The following RAD51 variants were observed in gnomAD, a reference collection of about 807,000 sequenced individuals.
The protein encoded by RAD51 is DNA repair protein RAD51 homolog 1.
RAD51 carries 14 observed loss-of-function variants against 41.5 expected under a neutral mutation model. The observed-to-expected ratio is 0.34, with a 90% CI of 0.22 to 0.53. The LOEUF (loss-of-function observed/expected upper bound fraction) is 0.53. Among genes scored for constraint, RAD51 ranks in the 20% least tolerant of loss-of-function variants. The probability of loss-of-function intolerance (pLI) is 0.95; values close to 1 mark genes in which losing one functional copy is unlikely to be tolerated. For missense variants in RAD51, 234 were observed against 422.0 expected (o/e 0.55, Z 3.90); for synonymous variants, 136 against 148.6 (o/e 0.92, Z 0.62).
At chr15:40,699,126 C>T (rs1894830987) in intron 2 of RAD51, among the ~76,000 whole-genome samples, 1 of 152,166 alleles carries the variant, frequency 6.6e-6, no homozygotes, top group Non-Finnish European at 1.5e-5. Context: ...ATGGTGGAAT[C>T]TCTGTGCTGT....
chr15:40,730,269 G>C (rs1347906124), intron 9 of RAD51, among the ~76,000 whole-genome samples: 1 of 152,116 alleles, frequency 6.6e-6, no homozygotes, highest in East Asian at 1.9e-4. Flanking sequence ...CAACACTTTG[G>C]GAGGCCAAGG....
rs1180753546 is a variant in RAD51 at position 40,698,835 on chromosome 15, C to T, written c.77C>T (p.Ser26Leu). The T allele has an allele frequency of 1.9e-6, 3 of 1,614,022 alleles. No individual in the cohort carries two copies. In the East Asian group the frequency reaches 6.7e-5, roughly 36 times the overall value. The change falls in exon 2 of 10, where the codon TCA becomes TTA. Residue 26 changes from serine (S) to leucine (L), a missense_variant. Physicochemically the swap from Ser to Leu is moderately radical, Grantham distance 145. This residue lies in a region of RAD51 where 100 missense variants were observed against 135.5 expected (regional missense o/e 0.74). Transcript: ENST00000267868. Reference protein sequence around the residue: ...EEESFGPQPISRLEQCGINAN... With the variant: ...EEESFGPQPILRLEQCGINAN... Reference sequence around the variant, plus strand: ...GAAAGCTTTGGCCCACAACCCATTTCACGGTTAGAGGTATGTGGTTAGTTG... The same window carrying T: ...GAAAGCTTTGGCCCACAACCCATTTTACGGTTAGAGGTATGTGGTTAGTTG...
chr15:40,727,132 T>A (rs11343913), intron 6 of RAD51, among the ~76,000 whole-genome samples: 26 of 151,448 alleles, frequency 1.7e-4, no homozygotes, highest in Middle Eastern at 3.2e-3. Context: ...AATTTTTTTT[T>A]AATTTTATAA....
chr15:40,728,829 G>C lies in RAD51; in HGVS notation c.644+5G>C. ...AGCCATGATGGTAGAATCTAGGTAT[G>C]TGTTCAGTATAAGACACCAAATATG... On this transcript the variant is annotated splice_donor_5th_base_variant and intron_variant, in intron 7 of 9. Coordinates refer to ENST00000267868, the MANE Select transcript of RAD51 (RefSeq NM_002875.5). The C allele has an allele frequency of 6.2e-7, 1 of 1,603,906 alleles. No homozygotes were observed. Among genetic ancestry groups the C allele is most frequent in the Non-Finnish European group, 8.5e-7 (1 of 1,170,714 alleles).
At chr15:40,725,659 A>G (rs1896542781) in intron 6 of RAD51, among the ~76,000 whole-genome samples, 2 of 152,202 alleles carry the variant, frequency 1.3e-5, no homozygotes, top group Admixed American at 1.3e-4. Flanking sequence ...ACTGAATCAG[A>G]AACAATCAGA....
intron 3 of RAD51, among the ~76,000 whole-genome samples, chr15:40,703,411 A>C (rs559712102): frequency 1.3e-5 from 2 of 152,376 alleles, no homozygotes; most frequent in African/African-American, 2.4e-5. Context: ...TTAAGTATAT[A>C]GAAAAGTTTA....
chr15:40,729,801 G>T, intron 8 of RAD51, 52 bp from the exon 9 acceptor site: 1 of 1,613,944 alleles, frequency 6.2e-7, no homozygotes, highest in East Asian at 2.2e-5. Context: ...CAGCATTAAG[G>T]CTTTTGGAGT....
rs1457521488 is a variant in RAD51, at chr15:40,698,842, A to G, written c.84A>G (p.Leu28=). The G allele has an allele frequency of 6.2e-7, 1 of 1,613,808 alleles. No individual in the cohort carries two copies. Among genetic ancestry groups the G allele is most frequent in the Non-Finnish European group, 8.5e-7 (1 of 1,179,770 alleles). The change falls in exon 2 of 10, where the codon TTA becomes TTG. Residue 28 remains leucine (L), a synonymous_variant. Transcript: ENST00000267868. The stretch of plus-strand genomic sequence containing the variant: ...TTGGCCCACAACCCATTTCACGGTT[A>G]GAGGTATGTGGTTAGTTGCTAATTT... The part of the protein sequence containing the change: ...ESFGPQPISR[L]EQCGINANDV...
intron 6 of RAD51, among the ~76,000 whole-genome samples, chr15:40,721,322 A>C (rs892490874): frequency 6.6e-6 from 1 of 152,184 alleles, no homozygotes; most frequent in African/African-American, 2.4e-5. Context: ...AAGGACCCAG[A>C]ATAGCCGAAA....
chr15:40,697,376 T>A (rs562816690), intron 1 of RAD51, among the ~76,000 whole-genome samples: 16 of 152,250 alleles, frequency 1.1e-4, no homozygotes, highest in Admixed American at 8.5e-4. Context: ...AGTGCTGGGA[T>A]TGCAGACGTG....
chr15:40,713,607 A>ATTTTT (rs761493133), intron 5 of RAD51, among the ~76,000 whole-genome samples: 1,543 of 127,500 alleles, frequency 0.012, 26 homozygotes, highest in South Asian at 0.034. Context: ...AAATGTTACA[A>ATTTTT]TTTTTTTTTT....
At chr15:40,729,675 G>A (rs778244043) in intron 8 of RAD51, 41 bp downstream of exon 8, 1 of 1,612,976 alleles carries the variant, frequency 6.2e-7, no homozygotes, top group South Asian at 1.1e-5. Context: ...TACTTTCAGT[G>A]GCTGTGAATT....
At chr15:40,699,641 C>T (rs1054010052) in intron 2 of RAD51, among the ~76,000 whole-genome samples, 1 of 152,202 alleles carries the variant, frequency 6.6e-6, no homozygotes, top group African/African-American at 2.4e-5. Flanking sequence ...GGAATTATAG[C>T]GGCCTGGACC....
At chr15:40,722,726 A>G (rs1896343075) in intron 6 of RAD51, among the ~76,000 whole-genome samples, 1 of 152,204 alleles carries the variant, frequency 6.6e-6, no homozygotes, top group Admixed American at 6.6e-5. Flanking sequence ...GTCCTAAATA[A>G]GAGCCTAACT....
intron 9 of RAD51, 79 bp from the exon 10 acceptor site, chr15:40,730,976 T>G (rs1896850363): frequency 1.9e-6 from 3 of 1,588,316 alleles, no homozygotes; most frequent in Admixed American, 1.7e-5. Context: ...TCTAAAAAAT[T>G]TTCAGCTCTG....
chr15:40,718,212 G>A (rs1367965116), intron 5 of RAD51, among the ~76,000 whole-genome samples: 2 of 138,376 alleles, frequency 1.4e-5, no homozygotes, highest in Admixed American at 7.3e-5. Flanking sequence ...GGCGGAGTGA[G>A]ACCCTGTCTC....
At chr15:40,709,169 G>A in intron 5 of RAD51, 53 bp downstream of exon 5, 3 of 1,467,706 alleles carry the variant, frequency 2.0e-6, no homozygotes, top group Non-Finnish European at 2.9e-6. Context: ...CTTCATTCCT[G>A]CTATTTGCAA....
chr15:40,700,968 C>A (rs1190138112), intron 2 of RAD51, 96 bp from the exon 3 acceptor site: 14 of 1,038,360 alleles, frequency 1.3e-5, no homozygotes, highest in Non-Finnish European at 1.9e-5. Flanking sequence ...TATTACAAGT[C>A]TTCAAGCACC....
Position 40,731,138 on chromosome 15 carries a change from T to G in RAD51, c.980T>G (p.Phe327Cys). The G allele has an allele frequency of 6.2e-7, 1 of 1,614,136 alleles. No homozygotes were observed. The highest frequency in any genetic ancestry group is 8.5e-7 in the Non-Finnish European group (1 of 1,180,012). ...SPCLPEAEAMFAINADGVGDA... is the reference protein window; with the variant it reads ...SPCLPEAEAMCAINADGVGDA... ...TGTCTTCCTGAAGCTGAAGCTATGTTCGCCATTAATGCAGATGGAGTGGGA... is the reference window on the plus strand; with the variant it reads ...TGTCTTCCTGAAGCTGAAGCTATGTGCGCCATTAATGCAGATGGAGTGGGA... Residue 327 changes from phenylalanine (F) to cysteine (C), a missense_variant, in exon 10 of 10, where the codon TTC (phenylalanine) becomes TGC (cysteine). By Grantham distance (205) the Phe-to-Cys change is radical. This residue lies in a region of RAD51 where 134 missense variants were observed against 286.5 expected (regional missense o/e 0.47). Coordinates refer to ENST00000267868, the MANE Select transcript of RAD51 (RefSeq NM_002875.5).
Sources: allele counts gnomAD v4.1 joint callset (sites outside exome capture counted in the v4.1 genomes callset), GRCh38; gene constraint gnomAD v4.1.1; regional missense constraint gnomAD v4.1.1; transcripts MANE v1.5; gene names NCBI Gene and HGNC (gene_info 2026-07-23, HGNC 2026-07-21).